ASAP1: variants seen among roughly 807,000 people sequenced by gnomAD.
ASAP1 encodes the protein arf-GAP with SH3 domain, ANK repeat and PH domain-containing protein 1.
A neutral mutation model predicts 145.2 loss-of-function variants in ASAP1; 43 were observed. The observed-to-expected ratio is 0.30, with a 90% CI of 0.23 to 0.38. The LOEUF is 0.38. ASAP1 is among the 10% of genes least tolerant of loss of function. ASAP1 has a pLI of 1.00. For missense variants in ASAP1, 1,018 were observed against 1,355.3 expected (o/e 0.75, Z 3.91); for synonymous variants, 546 against 515.5 (o/e 1.06, Z -0.80).
chr8:130,155,696 T>G (rs902629547), intron 12 of ASAP1, among the ~76,000 whole-genome samples: 2 of 152,228 alleles, frequency 1.3e-5, no homozygotes, highest in Non-Finnish European at 2.9e-5. Context: ...CCAAGACTTC[T>G]ATGGACTAGA....
chr8:130,065,460 C>T (rs1190873907), intron 27 of ASAP1, among the ~76,000 whole-genome samples: 1 of 152,120 alleles, frequency 6.6e-6, no homozygotes, highest in Non-Finnish European at 1.5e-5. Context: ...ATCTCAAACC[C>T]ACAAGATGGG....
At chr8:130,202,227 C>A (rs1815913109) in intron 5 of ASAP1, among the ~76,000 whole-genome samples, 1 of 152,158 alleles carries the variant, frequency 6.6e-6, no homozygotes, top group African/African-American at 2.4e-5. Flanking sequence ...GCTTCCCTTG[C>A]AGAAAAGGAA....
At chr8:130,122,857 T>C (rs2097568802) in intron 18 of ASAP1, among the ~76,000 whole-genome samples, 1 of 152,234 alleles carries the variant, frequency 6.6e-6, no homozygotes, top group African/African-American at 2.4e-5. Flanking sequence ...TAAAAACCCA[T>C]GTTGTTATGA....
chr8:130,259,099 A>T (rs1819743094), intron 3 of ASAP1, among the ~76,000 whole-genome samples: 1 of 152,170 alleles, frequency 6.6e-6, no homozygotes, highest in Admixed American at 6.5e-5. Flanking sequence ...ACGGTTCACA[A>T]AATTCATGAC....
intron 2 of ASAP1, among the ~76,000 whole-genome samples, chr8:130,389,213 T>C (rs145301305): frequency 6.6e-6 from 1 of 152,332 alleles, no homozygotes; most frequent in African/African-American, 2.4e-5. Flanking sequence ...GCTACTGTTA[T>C]ACCCATTTTG....
chr8:130,293,167 A>C (rs558512780), intron 3 of ASAP1, among the ~76,000 whole-genome samples: 1 of 152,178 alleles, frequency 6.6e-6, no homozygotes, highest in Non-Finnish European at 1.5e-5. Flanking sequence ...ACTGCACATA[A>C]ATATCTGGGG....
chr8:130,439,758 A>G (rs1418683780), intron 1 of ASAP1, among the ~76,000 whole-genome samples: 1 of 152,196 alleles, frequency 6.6e-6, no homozygotes, highest in Non-Finnish European at 1.5e-5. Context: ...GAACGTAAGC[A>G]GACACTCAGG....
At chr8:130,126,474 C>G (rs2097575153) in intron 16 of ASAP1, among the ~76,000 whole-genome samples, 1 of 152,150 alleles carries the variant, frequency 6.6e-6, no homozygotes, top group Admixed American at 6.5e-5. Context: ...CAAGTTGCAA[C>G]TAACATTAAC....
chr8:130,113,774 CTT>C (rs561023170), intron 23 of ASAP1, among the ~76,000 whole-genome samples: 16 of 144,642 alleles, frequency 1.1e-4, no homozygotes, highest in African/African-American at 3.5e-4. Flanking sequence ...CCCTTATGTA[CTT>C]TTTTTTTTTT....
chr8:130,431,782 G>A (rs181781549), intron 1 of ASAP1, among the ~76,000 whole-genome samples: 118 of 151,048 alleles, frequency 7.8e-4, no homozygotes, highest in Non-Finnish European at 1.4e-3. Context: ...GCAAATGGTA[G>A]GCACTTAATA....
chr8:130,080,615 C>T (rs2097477342), intron 25 of ASAP1, among the ~76,000 whole-genome samples: 1 of 151,666 alleles, frequency 6.6e-6, no homozygotes, highest in Admixed American at 6.6e-5. Context: ...GCTGGGACTA[C>T]AGGGGCATTC....
chr8:130,138,905 G>C (rs2097602344), intron 13 of ASAP1, among the ~76,000 whole-genome samples: 1 of 151,112 alleles, frequency 6.6e-6, no homozygotes, highest in South Asian at 2.1e-4. Flanking sequence ...TCCAAAATCA[G>C]AATCTGTAGC....
At chr8:130,359,808 A>C (rs1369735232) in intron 2 of ASAP1, among the ~76,000 whole-genome samples, 1 of 151,876 alleles carries the variant, frequency 6.6e-6, no homozygotes, top group East Asian at 1.9e-4. Flanking sequence ...TATTTTTAGT[A>C]GAGACGGTGT....
intron 2 of ASAP1, among the ~76,000 whole-genome samples, chr8:130,368,267 T>C (rs959577381): frequency 1.3e-5 from 2 of 152,240 alleles, no homozygotes. Flanking sequence ...ATTATTTTCA[T>C]GAATATTATT....
chr8:130,072,824 T>TGTGCGTGTGCGCGC, intron 27 of ASAP1, among the ~76,000 whole-genome samples: 9 of 32,314 alleles, frequency 2.8e-4, no homozygotes, highest in East Asian at 2.4e-3. Flanking sequence ...TGTGTGTGTG[T>TGTGCGTGTGCGCGC]GCGCGCGGGG....
At chr8:130,177,592 C>T (rs1483811896) in intron 9 of ASAP1, among the ~76,000 whole-genome samples, 2 of 152,176 alleles carry the variant, frequency 1.3e-5, no homozygotes, top group Non-Finnish European at 2.9e-5. Context: ...GTTAGTTAAT[C>T]CAGGTCTTCA....
rs375909106 is a variant in ASAP1 at position 130,118,156 on chromosome 8, G to T, written c.1880+5C>A. 9 of 1,612,166 alleles carry T rather than the reference G, an allele frequency of 5.6e-6. No homozygotes were observed. The African/African-American group carries it at 9.4e-5, about 17-fold the overall frequency. On this transcript the variant is annotated splice_donor_5th_base_variant and intron_variant, in intron 20 of 29. Transcript: ENST00000518721. ...GTAATTCAACAGAGAAAACAAAAAC[G>T]ATACCAGTTTTGTACAAGGAAGTCA...
chr8:130,384,174 A>G (rs969051138), intron 2 of ASAP1, among the ~76,000 whole-genome samples: 2 of 152,136 alleles, frequency 1.3e-5, no homozygotes, highest in African/African-American at 4.8e-5. Context: ...CAAGGACAAG[A>G]CGACCTTCTG....
At chr8:130,195,987 T>G (rs1393081092) in intron 5 of ASAP1, among the ~76,000 whole-genome samples, 1 of 152,228 alleles carries the variant, frequency 6.6e-6, no homozygotes, top group Admixed American at 6.5e-5. Context: ...GTTTGCTTCT[T>G]AAGGGGAGGC....
Sources: allele counts gnomAD v4.1 joint callset (sites outside exome capture counted in the v4.1 genomes callset), GRCh38; gene constraint gnomAD v4.1.1; transcripts MANE v1.5; gene names NCBI Gene and HGNC (gene_info 2026-07-23, HGNC 2026-07-21).